Variants in ATF2 observed in about 807,000 individuals in gnomAD.
ATF2 encodes the protein cyclic AMP-dependent transcription factor ATF-2.
Under a neutral mutation model 60.6 loss-of-function variants are expected in ATF2, and 24 were observed. The ratio of observed to expected loss-of-function variants is 0.40; its 90% CI spans 0.29 to 0.56. ATF2 has a LOEUF of 0.56. ATF2 is among the 20% of genes least tolerant of loss of function. ATF2 has a pLI of 0.54. For missense variants in ATF2, 433 were observed against 607.7 expected (o/e 0.71, Z 3.02); for synonymous variants, 206 against 215.4 (o/e 0.96, Z 0.38).
chr2:175,166,200 TAAC>T (rs957245917), intron 1 of ATF2, among the ~76,000 whole-genome samples: 6 of 152,212 alleles, frequency 3.9e-5, no homozygotes, highest in Non-Finnish European at 7.4e-5. Context: ...TTAAAATACA[TAAC>T]AACTAAGTTC....
At chr2:175,106,281 A>T (rs1389050578) in intron 10 of ATF2, among the ~76,000 whole-genome samples, 1 of 152,230 alleles carries the variant, frequency 6.6e-6, no homozygotes, top group Admixed American at 6.5e-5. Context: ...CTGTAATCAC[A>T]GCACTTTGGG....
chr2:175,125,990 T>C (rs990746191), intron 4 of ATF2, among the ~76,000 whole-genome samples: 4 of 152,110 alleles, frequency 2.6e-5, no homozygotes, highest in African/African-American at 4.8e-5. Context: ...TGTATCTCAC[T>C]TTCCCTTTAG....
At chr2:175,140,273 G>A (rs181501723) in intron 2 of ATF2, among the ~76,000 whole-genome samples, 1 of 152,092 alleles carries the variant, frequency 6.6e-6, no homozygotes, top group African/African-American at 2.4e-5. Flanking sequence ...CTAATAACTT[G>A]GTTCAAAGTG....
chr2:175,108,976 T>A (rs546630106), intron 10 of ATF2, among the ~76,000 whole-genome samples: 1 of 151,970 alleles, frequency 6.6e-6, no homozygotes, highest in Non-Finnish European at 1.5e-5. Flanking sequence ...GAAGGCAGCA[T>A]GCTCGTTAAG....
At position 175,072,895 on chromosome 2, in the gene ATF2, T is replaced by G. The variant is rs944450346; in HGVS notation, c.*1714A>C. The G allele has an allele frequency of 6.6e-6, 1 of 152,186 alleles. No individual in the cohort carries two copies. The highest frequency in any genetic ancestry group is 1.5e-5 in the Non-Finnish European group (1 of 68,014). 9.4% of individuals were successfully genotyped at this position (152,186 alleles called of 1,614,324 possible). A position where few individuals can be genotyped will look rare whatever the true frequency, so the allele number is the denominator to read the frequency against. On this transcript the variant is annotated 3_prime_UTR_variant, in exon 14 of 14. Coordinates refer to ENST00000264110, the MANE Select transcript of ATF2 (RefSeq NM_001880.4). ...TGAAATGTCATTTATATAATTTGAA[T>G]GTTTCCCAGTTTGGAACTTAGGCAG...
chr2:175,127,066 C>G (rs1559092814), intron 4 of ATF2: 1 of 141,270 alleles, frequency 7.1e-6, no homozygotes, highest in African/African-American at 2.6e-5. Context: ...ATCCTGTATC[C>G]AAAAAAAAAA....
intron 13 of ATF2, 154 bp from the exon 14 acceptor site, chr2:175,074,989 G>A (rs2302664): frequency 6.6e-7 from 1 of 1,506,420 alleles, no homozygotes; most frequent in Non-Finnish European, 8.9e-7. Context: ...TCATGAAGTA[G>A]GCAATTTTAC....
chr2:175,164,135 G>C (rs1285421877), intron 1 of ATF2, among the ~76,000 whole-genome samples: 1 of 149,052 alleles, frequency 6.7e-6, no homozygotes, highest in African/African-American at 2.4e-5. Flanking sequence ...CCAGTTTCAA[G>C]GTTGTCAAAA....
At chr2:175,112,377 T>C (rs1301028206) in intron 9 of ATF2, among the ~76,000 whole-genome samples, 3 of 138,678 alleles carry the variant, frequency 2.2e-5, no homozygotes, top group Admixed American at 7.2e-5. Flanking sequence ...AAATAATGCA[T>C]TTTGAACAAA....
At chr2:175,164,185 A>G (rs1267349389) in intron 1 of ATF2, among the ~76,000 whole-genome samples, 1 of 149,316 alleles carries the variant, frequency 6.7e-6, no homozygotes, top group East Asian at 1.9e-4. Context: ...ATGAATACAT[A>G]TTTATTTATA....
intron 2 of ATF2, among the ~76,000 whole-genome samples, chr2:175,150,539 T>C (rs550882269): frequency 2.0e-5 from 3 of 152,306 alleles, no homozygotes; most frequent in African/African-American, 7.2e-5. Context: ...TATAAGGGAC[T>C]GTATAACTTC....
chr2:175,073,839 A>G lies in ATF2; in HGVS notation c.*770T>C, dbSNP rs116295394. On this transcript the variant is annotated 3_prime_UTR_variant, in exon 14 of 14. Transcript: ENST00000264110. ...GATATTTGATAACCCTGTATCATAC[A>G]TTATATAATTTCATATTTTTAGCCT... The G allele has an allele frequency of 0.04, 6,058 of 152,270 alleles. 139 individuals are homozygous for G. The highest frequency in any genetic ancestry group is 0.094 in the Admixed American group (1,442 of 15,272). 9.4% of individuals were successfully genotyped at this position (152,270 alleles called of 1,614,324 possible). A position where few individuals can be genotyped will look rare whatever the true frequency, so the allele number is the denominator to read the frequency against.
intron 2 of ATF2, among the ~76,000 whole-genome samples, chr2:175,137,402 T>G (rs1012318605): frequency 3.9e-5 from 6 of 152,162 alleles, no homozygotes; most frequent in African/African-American, 1.4e-4. Context: ...ATAGCCATGC[T>G]TCTGTCATTA....
In ATF2 at chr2:175,074,668, G is replaced by A. The variant is rs1250999359; in HGVS notation, c.1459C>T (p.Pro487Ser). ...GCCATAACGATCTGTGAAAGAGCAG[G>A]CTCTGTACTCTGGTCCGCCATCTGG... ...LTQMADQSTE[P>S]ALSQIVMAPS... Residue 487 changes from proline to serine, a missense_variant, in exon 14 of 14, where the codon CCT becomes TCT. Pro to Ser is a moderately conservative substitution (Grantham distance 74). This residue lies in a region of ATF2 where 114 missense variants were observed against 104.0 expected (regional missense o/e 1.10). Transcript: ENST00000264110. The A allele has an allele frequency of 6.2e-7, 1 of 1,613,346 alleles. No individual in the cohort carries two copies. The highest frequency in any genetic ancestry group is 8.5e-7 in the Non-Finnish European group (1 of 1,179,652).
intron 5 of ATF2, among the ~76,000 whole-genome samples, chr2:175,120,039 A>G (rs969569058): frequency 6.6e-6 from 1 of 151,698 alleles, no homozygotes; most frequent in African/African-American, 2.4e-5. Context: ...TTAGTGAAAA[A>G]AAAGGTCAAG....
At chr2:175,076,068 T>G (rs1355011280) in intron 13 of ATF2, among the ~76,000 whole-genome samples, 3 of 152,132 alleles carry the variant, frequency 2.0e-5, no homozygotes, top group African/African-American at 7.2e-5. Flanking sequence ...ATTGTGGACA[T>G]CTTATGAAGC....
rs537123345 is a variant in ATF2 at position 175,156,706 on chromosome 2, C to A, written c.-142-5548G>T. ...ACCTGAATTAACTTAGAAGTGGATT[C>A]TTCCCTAGAGACTCCAAAAAGGAAT... On this transcript the variant is annotated intron_variant, in intron 1 of 13. Transcript: ENST00000264110. 1.2e-4 allele frequency among the ~76,000 whole-genome samples: 19 copies of A among 152,304 alleles called. No individual in the cohort carries two copies. The East Asian group carries it at 3.7e-3, about 29-fold the overall frequency.
intron 1 of ATF2, among the ~76,000 whole-genome samples, chr2:175,152,249 A>G (rs1699358992): frequency 6.6e-6 from 1 of 152,214 alleles, no homozygotes. Context: ...AGCCAAGACT[A>G]ACATTCATAA....
chr2:175,120,601 G>C (rs1696888166), intron 5 of ATF2, among the ~76,000 whole-genome samples: 1 of 151,458 alleles, frequency 6.6e-6, no homozygotes, highest in African/African-American at 2.4e-5. Context: ...AGACTTATAT[G>C]ACATATAACA....
Sources: allele counts gnomAD v4.1 joint callset (sites outside exome capture counted in the v4.1 genomes callset), GRCh38; gene constraint gnomAD v4.1.1; regional missense constraint gnomAD v4.1.1; transcripts MANE v1.5; gene names NCBI Gene and HGNC (gene_info 2026-07-23, HGNC 2026-07-21).